The following CMSS1 variants were observed in gnomAD, a reference collection of about 807,000 sequenced individuals.
CMSS1 encodes the protein cms1 ribosomal small subunit homolog, also known as protein CMSS1.
A neutral mutation model predicts 43.5 loss-of-function variants in CMSS1; 33 were observed. The observed-to-expected ratio is 0.76, with a 90% confidence interval of 0.57 to 1.01. The LOEUF (loss-of-function observed/expected upper bound fraction) is 1.01. CMSS1 is among the 50% of genes least tolerant of loss of function. The probability of loss-of-function intolerance (pLI) is 0.00; values close to 1 mark genes in which losing one functional copy is unlikely to be tolerated. For synonymous variants in CMSS1, 115 were observed against 117.2 expected, an observed-to-expected ratio of 0.98 and a Z score of 0.12; for missense variants, 313 against 326.4, an observed-to-expected ratio of 0.96 and a Z score of 0.32.
At chr3:100,000,944 C>T (rs1447784308) in intron 1 of CMSS1, among the ~76,000 whole-genome samples, 2 of 152,174 alleles carry the variant, frequency 1.3e-5, no homozygotes, top group African/African-American at 4.8e-5. Flanking sequence ...AGAGTAGCTC[C>T]TTGATTTAAT....
chr3:100,018,735 C>CAAAAAA, intron 1 of CMSS1, among the ~76,000 whole-genome samples: 1 of 120,208 alleles, frequency 8.3e-6, no homozygotes, highest in Admixed American at 8.3e-5. Context: ...TTCCGCATAG[C>CAAAAAA]AAAAAAAAAA....
At chr3:99,820,040 A>G (rs1007586802) in intron 1 of CMSS1, among the ~76,000 whole-genome samples, 2 of 151,960 alleles carry the variant, frequency 1.3e-5, no homozygotes, top group African/African-American at 2.4e-5. Flanking sequence ...GGCGTGAGCC[A>G]CCGTGCCTGG....
chr3:99,865,592 T>G (rs1944473731), intron 1 of CMSS1, among the ~76,000 whole-genome samples: 1 of 152,142 alleles, frequency 6.6e-6, no homozygotes, highest in African/African-American at 2.4e-5. Context: ...TTGGATGGTT[T>G]AAAAAATTGT....
chr3:100,166,289 G>T (rs778075300), intron 4 of CMSS1, 46 bp from the exon 5 acceptor site: 1 of 1,226,982 alleles, frequency 8.2e-7, no homozygotes, highest in Admixed American at 1.7e-5. Flanking sequence ...TTGATTGTGT[G>T]TGTGTTTACA....
chr3:99,894,203 A>G (rs1352232973), intron 1 of CMSS1, among the ~76,000 whole-genome samples: 1 of 152,224 alleles, frequency 6.6e-6, no homozygotes, highest in Non-Finnish European at 1.5e-5. Flanking sequence ...ATGGTTAAAA[A>G]CTAAGTAGAT....
chr3:99,862,446 T>A (rs1160086303), intron 1 of CMSS1, among the ~76,000 whole-genome samples: 1 of 152,200 alleles, frequency 6.6e-6, no homozygotes, highest in Non-Finnish European at 1.5e-5. Flanking sequence ...TGCACATGGT[T>A]AGTCATAATG....
chr3:100,136,919 T>C (rs753972621), intron 1 of CMSS1, among the ~76,000 whole-genome samples: 4 of 152,262 alleles, frequency 2.6e-5, no homozygotes, highest in Non-Finnish European at 5.9e-5. Flanking sequence ...TCTGTGAGTA[T>C]AGGTGGATTC....
intron 1 of CMSS1, among the ~76,000 whole-genome samples, chr3:99,831,816 T>A (rs1443085012): frequency 1.3e-5 from 2 of 152,242 alleles, no homozygotes; most frequent in Non-Finnish European, 2.9e-5. Flanking sequence ...TCAGAGTGAT[T>A]TCTTCAACTC....
chr3:100,059,112 T>A (rs2065515803), intron 1 of CMSS1, among the ~76,000 whole-genome samples: 1 of 152,236 alleles, frequency 6.6e-6, no homozygotes, highest in Non-Finnish European at 1.5e-5. Context: ...AGTTTCATGG[T>A]TTTCCTTAAA....
intron 1 of CMSS1, among the ~76,000 whole-genome samples, chr3:99,880,498 A>G (rs1705687565): frequency 6.6e-6 from 1 of 152,268 alleles, no homozygotes; most frequent in Non-Finnish European, 1.5e-5. Context: ...GAAGGCTTCC[A>G]ATTATTCTGC....
chr3:100,006,240 G>GC (rs1709982167), intron 1 of CMSS1, among the ~76,000 whole-genome samples: 1 of 152,080 alleles, frequency 6.6e-6, no homozygotes, highest in East Asian at 1.9e-4. Context: ...GTTTTCCCCA[G>GC]CCCTCAACTG....
At chr3:99,820,000 A>G (rs1456822695) in intron 1 of CMSS1, among the ~76,000 whole-genome samples, 16 of 150,644 alleles carry the variant, frequency 1.1e-4, no homozygotes, top group African/African-American at 3.9e-4. Flanking sequence ...TGATCTGCCC[A>G]CCTCGGCCTC....
chr3:100,056,362 A>G (rs1386663853), intron 1 of CMSS1, among the ~76,000 whole-genome samples: 1 of 152,192 alleles, frequency 6.6e-6, no homozygotes, highest in Admixed American at 6.5e-5. Context: ...TTAAATTTCT[A>G]TGGGAGGCTT....
At chr3:100,157,874 T>A (rs1365960734) in intron 2 of CMSS1, among the ~76,000 whole-genome samples, 2 of 152,166 alleles carry the variant, frequency 1.3e-5, no homozygotes, top group Non-Finnish European at 2.9e-5. Context: ...GCCAATCTCT[T>A]CTTTTTTAAC....
chr3:100,030,548 G>A (rs549110333), intron 1 of CMSS1, among the ~76,000 whole-genome samples: 3 of 152,098 alleles, frequency 2.0e-5, no homozygotes, highest in Admixed American at 6.6e-5. Context: ...TTTTCCCGTT[G>A]AGAGCACCTG....
chr3:99,913,325 A>C (rs1056726151), intron 1 of CMSS1, among the ~76,000 whole-genome samples: 1 of 152,236 alleles, frequency 6.6e-6, no homozygotes, highest in African/African-American at 2.4e-5. Flanking sequence ...ACACAGCAGC[A>C]TATGAGGGTT....
At chr3:99,992,335 G>GT (rs1709548747) in intron 1 of CMSS1, among the ~76,000 whole-genome samples, 1 of 151,968 alleles carries the variant, frequency 6.6e-6, no homozygotes, top group Admixed American at 6.6e-5. Context: ...AACATCTGTT[G>GT]TTTTTTGACT....
intron 1 of CMSS1, among the ~76,000 whole-genome samples, chr3:99,874,645 ACTG>A (rs1183177967): frequency 6.6e-6 from 1 of 152,146 alleles, no homozygotes; most frequent in Non-Finnish European, 1.5e-5. Flanking sequence ...AAACAAAAAA[ACTG>A]CTATGAGGCA....
At chr3:100,062,750 C>T (rs1275011223) in intron 1 of CMSS1, among the ~76,000 whole-genome samples, 1 of 152,206 alleles carries the variant, frequency 6.6e-6, no homozygotes, top group African/African-American at 2.4e-5. Flanking sequence ...GCTGAGATGT[C>T]GTTGTGAAAA....
Sources: gnomAD v4.1 joint callset for allele counts (sites outside exome capture counted in the v4.1 genomes callset) on GRCh38, gnomAD v4.1.1 for gene constraint, MANE v1.5 for transcripts, NCBI Gene and HGNC (gene_info 2026-07-23, HGNC 2026-07-21) for gene names.